LRMDA: variants seen among roughly 807,000 people sequenced by gnomAD.
LRMDA encodes leucine rich melanocyte differentiation associated.
A neutral mutation model predicts 29.8 loss-of-function variants in LRMDA; 18 were observed. The observed-to-expected ratio is 0.60, with a 90% confidence interval of 0.42 to 0.90. The LOEUF is 0.90. Among genes scored for constraint, LRMDA ranks in the 40% least tolerant of loss-of-function variants. The pLI is 0.00. For synonymous variants in LRMDA, 125 were observed against 109.4 expected, an observed-to-expected ratio of 1.14 and a Z score of -0.89; for missense variants, 273 against 273.9, an observed-to-expected ratio of 1.00 and a Z score of 0.02.
rs767477231 is a variant in LRMDA, at chr10:76,036,095, G to A, written c.219G>A (p.Gly73=). Residue 73 remains glycine (G), a synonymous_variant, in exon 3 of 7, where the codon GGG becomes GGA. Coordinates refer to ENST00000611255, the MANE Select transcript of LRMDA (RefSeq NM_001305581.2). ...TGGGGGACGACCTTGTGTTGCCAGG[G>A]TTACCCAGACTGCATACCTTAACCC... ...NQLGDDLVLP[G]LPRLHTLTLN... 2 of 1,614,016 alleles carry A rather than the reference G, an allele frequency of 1.2e-6. No individual in the cohort carries two copies. Among genetic ancestry groups the A allele is most frequent in the South Asian group, 1.1e-5 (1 of 91,070 alleles).
chr10:75,742,208 A>G (rs1334613395), intron 2 of LRMDA, among the ~76,000 whole-genome samples: 1 of 152,264 alleles, frequency 6.6e-6, no homozygotes, highest in East Asian at 1.9e-4. Context: ...AAAGTTTTTC[A>G]TACACATATC....
intron 5 of LRMDA, among the ~76,000 whole-genome samples, chr10:76,269,539 G>C (rs1196205299): frequency 6.6e-6 from 1 of 152,040 alleles, no homozygotes; most frequent in Non-Finnish European, 1.5e-5. Context: ...GATGTCTATA[G>C]ATACATACTA....
intron 2 of LRMDA, among the ~76,000 whole-genome samples, chr10:75,488,159 A>G (rs1844938264): frequency 6.6e-6 from 1 of 152,148 alleles, no homozygotes; most frequent in Non-Finnish European, 1.5e-5. Context: ...TTATTGCTGA[A>G]TTGTGTCTCT....
chr10:76,358,600 G>T (rs1033533585), intron 6 of LRMDA, among the ~76,000 whole-genome samples: 2 of 152,200 alleles, frequency 1.3e-5, no homozygotes, highest in Non-Finnish European at 2.9e-5. Flanking sequence ...CTTAGAAATG[G>T]CTAAGGGTTG....
At chr10:75,854,246 T>C (rs1885822) in intron 2 of LRMDA, among the ~76,000 whole-genome samples, 90,694 of 151,992 alleles carry the variant, frequency 0.6, 27,962 homozygotes, top group South Asian at 0.7. Context: ...TCCTGGCATG[T>C]GTCATTTATT....
At chr10:75,438,209 T>A (rs998006834) in intron 1 of LRMDA, among the ~76,000 whole-genome samples, 185 bp from the exon 2 acceptor site, 3 of 152,176 alleles carry the variant, frequency 2.0e-5, no homozygotes, top group Admixed American at 1.3e-4. Flanking sequence ...GGGGAGCTGT[T>A]GGTGGAGTCC....
chr10:75,596,047 G>C (rs984539120), intron 2 of LRMDA, among the ~76,000 whole-genome samples: 1 of 152,208 alleles, frequency 6.6e-6, no homozygotes, highest in Non-Finnish European at 1.5e-5. Flanking sequence ...ATGTTTGTTT[G>C]CATGTGTATA....
At chr10:75,915,505 GC>G (rs1845918713) in intron 2 of LRMDA, among the ~76,000 whole-genome samples, 1 of 152,146 alleles carries the variant, frequency 6.6e-6, no homozygotes, top group South Asian at 2.1e-4. Context: ...CTCCTAGAGT[GC>G]TGGGATGATA....
chr10:76,045,921 G>GT (rs1332593876), intron 3 of LRMDA, among the ~76,000 whole-genome samples: 1 of 152,206 alleles, frequency 6.6e-6, no homozygotes, highest in African/African-American at 2.4e-5. Context: ...GGAAATCTGT[G>GT]TAACAGCCCA....
chr10:75,665,635 C>T (rs1343355213), intron 2 of LRMDA, among the ~76,000 whole-genome samples: 1 of 152,154 alleles, frequency 6.6e-6, no homozygotes, highest in African/African-American at 2.4e-5. Context: ...AAAGTCTGAC[C>T]TGAAGTGATG....
chr10:75,949,474 T>G (rs1846535827), intron 2 of LRMDA, among the ~76,000 whole-genome samples: 1 of 152,204 alleles, frequency 6.6e-6, no homozygotes, highest in Non-Finnish European at 1.5e-5. Flanking sequence ...GTGCAGGTTC[T>G]GGACCTGGGA....
chr10:76,205,355 C>A (rs1589375616), intron 5 of LRMDA, among the ~76,000 whole-genome samples: 1 of 152,178 alleles, frequency 6.6e-6, no homozygotes, highest in Non-Finnish European at 1.5e-5. Flanking sequence ...CAGACCCCAT[C>A]ATCCACCCCA....
At chr10:76,416,690 T>G (rs1007628199) in intron 6 of LRMDA, among the ~76,000 whole-genome samples, 6 of 152,224 alleles carry the variant, frequency 3.9e-5, no homozygotes, top group Non-Finnish European at 5.9e-5. Flanking sequence ...TGTCAGAATT[T>G]GACAATCCAT....
At chr10:76,153,742 T>C (rs1240480832) in intron 5 of LRMDA, among the ~76,000 whole-genome samples, 2 of 152,228 alleles carry the variant, frequency 1.3e-5, no homozygotes, top group Non-Finnish European at 2.9e-5. Flanking sequence ...TGTCATTCCC[T>C]TCATTAGGGG....
intron 2 of LRMDA, among the ~76,000 whole-genome samples, chr10:75,870,762 T>TCC (rs1469748846): frequency 6.6e-6 from 1 of 152,120 alleles, no homozygotes; most frequent in Non-Finnish European, 1.5e-5. Flanking sequence ...TTTAGCAAAC[T>TCC]CCCCCCTTTC....
chr10:76,184,593 A>G (rs1170294425), intron 5 of LRMDA, among the ~76,000 whole-genome samples: 1 of 152,236 alleles, frequency 6.6e-6, no homozygotes, highest in East Asian at 1.9e-4. Flanking sequence ...GAAAAAGTGT[A>G]TGAAGTGGGT....
intron 2 of LRMDA, among the ~76,000 whole-genome samples, chr10:75,834,546 T>C (rs1844401074): frequency 6.6e-6 from 1 of 152,212 alleles, no homozygotes; most frequent in South Asian, 2.1e-4. Flanking sequence ...CCACTTATCT[T>C]TTCCTTCTTG....
intron 5 of LRMDA, among the ~76,000 whole-genome samples, chr10:76,303,373 C>A (rs572082833): frequency 3.3e-5 from 5 of 152,142 alleles, no homozygotes; most frequent in African/African-American, 1.2e-4. Context: ...GCATAAGTAC[C>A]AGCTGGCGTG....
intron 2 of LRMDA, among the ~76,000 whole-genome samples, chr10:75,737,682 T>G (rs1335335643): frequency 6.6e-6 from 1 of 152,200 alleles, no homozygotes; most frequent in Admixed American, 6.5e-5. Context: ...TAATCTTAAC[T>G]CAGCCTAAGT....
Sources: gnomAD v4.1 joint callset for allele counts (sites outside exome capture counted in the v4.1 genomes callset) on GRCh38, gnomAD v4.1.1 for gene constraint, MANE v1.5 for transcripts, NCBI Gene and HGNC (gene_info 2026-07-23, HGNC 2026-07-21) for gene names.